The following FMN2 variants were observed in gnomAD, a reference collection of about 807,000 sequenced individuals.
FMN2 encodes formin 2, also known as formin-2.
Under a neutral mutation model 142.3 loss-of-function variants are expected in FMN2, and 51 were observed. The ratio of observed to expected loss-of-function variants is 0.36; its 90% CI spans 0.29 to 0.45. FMN2 has a LOEUF of 0.45. FMN2 is among the 20% of genes least tolerant of loss of function. The pLI, the probability that FMN2 is intolerant of heterozygous loss-of-function variation, is 1.00. For synonymous variants in FMN2, 882 were observed against 869.8 expected (o/e 1.01, Z -0.25); for missense variants, 1,936 against 2,122.8 (o/e 0.91, Z 1.73).
intron 1 of FMN2, among the ~76,000 whole-genome samples, chr1:240,099,409 G>T (rs990932331): frequency 6.6e-6 from 1 of 151,596 alleles, no homozygotes; most frequent in Admixed American, 6.6e-5. Context: ...GTGGTGGGGG[G>T]TTGGATAAGA....
Position 240,437,594 on chromosome 1 carries a change from G to A in FMN2, c.4911-467G>A, listed in dbSNP as rs574158226. 1.9e-4 allele frequency among the ~76,000 whole-genome samples: 29 copies of A among 152,232 alleles called. No individual in the cohort carries two copies. In the East Asian group the frequency reaches 4.6e-3, roughly 24 times the overall value. ...TGGGATTACAGGCGTGAGCCACCGC[G>A]CCGGGCTGGGACTCTTGCTTTTATT... is the stretch of plus-strand genomic sequence containing the variant. On this transcript the variant is annotated intron_variant, in intron 15 of 17. Transcript: ENST00000319653.
intron 6 of FMN2, among the ~76,000 whole-genome samples, chr1:240,223,841 C>A (rs979475344): frequency 1.3e-5 from 2 of 152,044 alleles, no homozygotes; most frequent in African/African-American, 2.4e-5. Flanking sequence ...TCCCCTTTAT[C>A]ATTTTTTATT....
intron 13 of FMN2, among the ~76,000 whole-genome samples, chr1:240,349,088 G>A (rs535377709): frequency 6.6e-6 from 1 of 152,286 alleles, no homozygotes; most frequent in African/African-American, 2.4e-5. Context: ...TATATAGCAT[G>A]CCCCTGGTGG....
At chr1:240,232,749 G>T (rs899835787) in intron 6 of FMN2, among the ~76,000 whole-genome samples, 1 of 151,998 alleles carries the variant, frequency 6.6e-6, no homozygotes, top group Non-Finnish European at 1.5e-5. Flanking sequence ...CATTCTTGAG[G>T]TTACTAATAT....
chr1:240,452,167 G>A (rs760454642), intron 16 of FMN2, among the ~76,000 whole-genome samples: 13 of 152,006 alleles, frequency 8.6e-5, no homozygotes, highest in Admixed American at 2.0e-4. Context: ...CTCCAGCCTG[G>A]GCGACAGAGC....
At chr1:240,277,175 A>G (rs894436487) in intron 7 of FMN2, among the ~76,000 whole-genome samples, 3 of 152,222 alleles carry the variant, frequency 2.0e-5, no homozygotes, top group Admixed American at 6.5e-5. Flanking sequence ...AGAAAATTCA[A>G]TTACCATTTT....
At chr1:240,223,202 T>C (rs1011454826) in intron 6 of FMN2, among the ~76,000 whole-genome samples, 1 of 152,228 alleles carries the variant, frequency 6.6e-6, no homozygotes, top group African/African-American at 2.4e-5. Flanking sequence ...AAAGCGGTGC[T>C]GAATTTTATT....
At chr1:240,120,823 A>G (rs564848158) in intron 1 of FMN2, among the ~76,000 whole-genome samples, 50 of 152,352 alleles carry the variant, frequency 3.3e-4, no homozygotes, top group African/African-American at 1.0e-3. Flanking sequence ...TCCTCTGATG[A>G]AAGTTTGTGA....
At chr1:240,456,221 A>G (rs1572334791) in intron 16 of FMN2, among the ~76,000 whole-genome samples, 2 of 152,094 alleles carry the variant, frequency 1.3e-5, no homozygotes, top group African/African-American at 2.4e-5. Flanking sequence ...TTGAGACCCA[A>G]AAACCTCAGA....
chr1:240,155,471 A>G (rs976573305), intron 2 of FMN2, among the ~76,000 whole-genome samples: 4 of 152,064 alleles, frequency 2.6e-5, no homozygotes, highest in African/African-American at 9.7e-5. Flanking sequence ...TTGTAGAGAC[A>G]GGGTCTAGCT....
chr1:240,171,748 G>A (rs1216490593), intron 2 of FMN2, among the ~76,000 whole-genome samples: 1 of 152,172 alleles, frequency 6.6e-6, no homozygotes, highest in Non-Finnish European at 1.5e-5. Flanking sequence ...GTTATTTTAG[G>A]TGTTGTTATT....
intron 11 of FMN2, 149 bp downstream of exon 11, chr1:240,330,898 A>T (rs974263512): frequency 6.7e-6 from 6 of 890,966 alleles, no homozygotes; most frequent in Non-Finnish European, 7.9e-6. Flanking sequence ...AGTAATGTCC[A>T]TCAGATATTT....
chr1:240,304,361 T>C (rs1670303382), intron 8 of FMN2, among the ~76,000 whole-genome samples: 1 of 152,192 alleles, frequency 6.6e-6, no homozygotes, highest in Non-Finnish European at 1.5e-5. Context: ...TTATTTGTTG[T>C]TTTTTGATTT....
In FMN2 at chr1:240,092,169, C is replaced by T; in HGVS notation, c.60C>T (p.Gly20=). 6.3e-7 allele frequency: 1 copy of T among 1,575,372 alleles called. No homozygotes were observed. Among genetic ancestry groups the T allele is most frequent in the African/African-American group, 1.3e-5 (1 of 74,274 alleles). The change falls in exon 1 of 18, where the codon GGC becomes GGT. Residue 20 remains glycine (G), a synonymous_variant. Coordinates refer to ENST00000319653, the MANE Select transcript of FMN2 (RefSeq NM_020066.5). ...RSAGDALHEG[G]GGAEDALGPR... is the part of the protein sequence containing the mutation. ...CAGGTGATGCTTTGCACGAAGGCGG[C>T]GGTGGCGCCGAGGATGCGCTGGGGC...
intron 8 of FMN2, among the ~76,000 whole-genome samples, chr1:240,300,470 G>C (rs1458934668): frequency 6.6e-6 from 1 of 152,056 alleles, no homozygotes; most frequent in African/African-American, 2.4e-5. Context: ...TGTCACTACT[G>C]TTTTCTCTTT....
chr1:240,286,562 G>A (rs535906534), intron 7 of FMN2, among the ~76,000 whole-genome samples: 1 of 152,274 alleles, frequency 6.6e-6, no homozygotes, highest in African/African-American at 2.4e-5. Context: ...ACTGAGTAGA[G>A]CTGGCTTCCA....
intron 1 of FMN2, among the ~76,000 whole-genome samples, chr1:240,099,620 C>T (rs1259375709): frequency 6.6e-6 from 1 of 152,180 alleles, no homozygotes; most frequent in Non-Finnish European, 1.5e-5. Flanking sequence ...TATGAACATG[C>T]ATTTCATTTT....
chr1:240,374,742 G>C (rs1197954421), intron 14 of FMN2, among the ~76,000 whole-genome samples: 2 of 152,080 alleles, frequency 1.3e-5, no homozygotes, highest in Non-Finnish European at 2.9e-5. Flanking sequence ...TGTTGTTTTT[G>C]CTTTCTTGTC....
intron 7 of FMN2, among the ~76,000 whole-genome samples, chr1:240,275,151 A>G (rs971143869): frequency 6.7e-6 from 1 of 149,920 alleles, no homozygotes; most frequent in African/African-American, 2.5e-5. Context: ...CAGGTTTGTT[A>G]CATAGGTATA....
Sources: allele counts gnomAD v4.1 joint callset (sites outside exome capture counted in the v4.1 genomes callset), GRCh38; gene constraint gnomAD v4.1.1; transcripts MANE v1.5; gene names NCBI Gene and HGNC (gene_info 2026-07-23, HGNC 2026-07-21).